The following YWHAH variants were observed in gnomAD, a reference collection of about 807,000 sequenced individuals.
YWHAH encodes 14-3-3 protein eta.
In YWHAH, 6 loss-of-function variants were observed where a neutral mutation model predicts 22.9. The observed-to-expected ratio is 0.26, with a 90% CI of 0.14 to 0.52. The LOEUF (loss-of-function observed/expected upper bound fraction) is 0.52, where lower values mean the gene tolerates loss of function less well. Ranked by LOEUF, YWHAH falls within the 20% of genes least tolerant of loss-of-function variation. The probability of loss-of-function intolerance (pLI) is 0.97; values close to 1 mark genes in which losing one functional copy is unlikely to be tolerated. For missense variants in YWHAH, 173 were observed against 308.6 expected (o/e 0.56, Z 3.29); for synonymous variants, 135 against 124.5 (o/e 1.08, Z -0.56).
At chr22:31,946,411 A>G (rs1464098673) in intron 1 of YWHAH, among the ~76,000 whole-genome samples, 1 of 151,546 alleles carries the variant, frequency 6.6e-6, no homozygotes, top group Non-Finnish European at 1.5e-5. Flanking sequence ...GCCTCTGTCC[A>G]CAGCAGGTCA....
In YWHAH at chr22:31,945,092, C is replaced by T. The variant is rs576838509; in HGVS notation, c.87+272C>T. The T allele has an allele frequency of 4.2e-5, 46 of 1,094,312 alleles. 1 individual carries two copies. In the South Asian group the frequency reaches 1.5e-3, roughly 36 times the overall value. 67.8% of individuals were successfully genotyped at this position (1,094,312 alleles called of 1,614,324 possible). ...GGGGGCGGGCCGGTCGGGGTCGCCA[C>T]ATCTTAGTTCGGAACCCGGCCGGGG... On this transcript the variant is annotated intron_variant, in intron 1 of 1. Transcript: ENST00000248975.
intron 1 of YWHAH, among the ~76,000 whole-genome samples, chr22:31,946,920 T>C (rs1015277305): frequency 6.6e-6 from 1 of 152,224 alleles, no homozygotes; most frequent in African/African-American, 2.4e-5. Flanking sequence ...AAGCTTTAAT[T>C]CTGCCATCTC....
chr22:31,954,068 T>C (rs1247706407), intron 1 of YWHAH, among the ~76,000 whole-genome samples: 4 of 152,212 alleles, frequency 2.6e-5, no homozygotes, highest in African/African-American at 9.7e-5. Flanking sequence ...AAATAAACCA[T>C]CATTGTTCAT....
rs919657575 is a variant in YWHAH, at chr22:31,956,035, G to A, written c.88-104G>A. 8.0e-6 allele frequency: 11 copies of A among 1,373,740 alleles called. No individual in the cohort carries two copies. The Admixed American group carries it at 1.4e-4, about 18-fold the overall frequency. The allele number at this position is 1,373,740 out of a possible 1,614,324, so 85.1% of individuals were successfully genotyped here. A position where few individuals can be genotyped will look rare whatever the true frequency, so the allele number is the denominator to read the frequency against. ...ATTCTCCAGAGTGACTGACCTGTTC[G>A]TAATTCCGTTCTTGAGAAGGATTGT... On this transcript the variant is annotated intron_variant, in intron 1 of 1. Coordinates refer to ENST00000248975, the MANE Select transcript of YWHAH (RefSeq NM_003405.4). The surrounding 1 kb of genome is among the most constrained non-coding windows in gnomAD (Gnocchi z 5.1).
chr22:31,952,097 G>C (rs2093844038), intron 1 of YWHAH, among the ~76,000 whole-genome samples: 1 of 152,198 alleles, frequency 6.6e-6, no homozygotes, highest in African/African-American at 2.4e-5. Context: ...AGCGGAAAGA[G>C]GCTGAAAACT....
At chr22:31,949,127 CAT>C (rs1406879664) in intron 1 of YWHAH, among the ~76,000 whole-genome samples, 3 of 136,320 alleles carry the variant, frequency 2.2e-5, no homozygotes, top group African/African-American at 5.8e-5. Flanking sequence ...GTTTATATAA[CAT>C]ATTTTACTTT....
chr22:31,955,439 CTTTTTTTTTTT>C (rs60830862), intron 1 of YWHAH, among the ~76,000 whole-genome samples: 1 of 126,728 alleles, frequency 7.9e-6, no homozygotes, highest in Non-Finnish European at 1.7e-5. Flanking sequence ...TTCAGAGTAT[CTTTTTTTTTTT>C]TTTTTTTTTC....
intron 1 of YWHAH, among the ~76,000 whole-genome samples, chr22:31,955,874 C>T (rs776210611): frequency 6.6e-6 from 1 of 152,210 alleles, no homozygotes. Flanking sequence ...AACATCTTAT[C>T]AGACCCGAAT....
intron 1 of YWHAH, chr22:31,945,158 C>T: frequency 8.9e-7 from 1 of 1,129,914 alleles, no homozygotes; most frequent in Non-Finnish European, 1.1e-6. Context: ...CCGCATTTCT[C>T]CTAGAGCGTT....
rs1290002565 is a variant in YWHAH, at chr22:31,954,532, G to A, written c.88-1607G>A. The stretch of plus-strand genomic sequence containing the variant: ...GGTGCTGAACCTAGTACGACAAACT[G>A]GATAGTTTAAAATAATAAATGTATT... On this transcript the variant is annotated intron_variant, in intron 1 of 1. Coordinates refer to ENST00000248975, the MANE Select transcript of YWHAH (RefSeq NM_003405.4). Among the ~76,000 whole-genome samples, 3 of 152,114 alleles carry A rather than the reference G, an allele frequency of 2.0e-5. No individual in the cohort carries two copies. The East Asian group carries it at 5.8e-4, about 29-fold the overall frequency.
At chr22:31,953,773 G>A (rs1390902459) in intron 1 of YWHAH, among the ~76,000 whole-genome samples, 3 of 152,172 alleles carry the variant, frequency 2.0e-5, no homozygotes, top group Non-Finnish European at 4.4e-5. Flanking sequence ...CCTGGGGAAT[G>A]GTCAGGATAG....
At chr22:31,945,026 C>A (rs1411166373) in intron 1 of YWHAH, 36 of 1,110,728 alleles carry the variant, frequency 3.2e-5, no homozygotes, top group African/African-American at 5.0e-5. Flanking sequence ...GTGGGGGATC[C>A]GGGAGGGTGC....
chr22:31,953,550 AT>A (rs2149468348), intron 1 of YWHAH, among the ~76,000 whole-genome samples: 1 of 152,334 alleles, frequency 6.6e-6, no homozygotes. Context: ...CAAAGTCTCT[AT>A]TTTCCGTAAG....
intron 1 of YWHAH, chr22:31,947,505 G>A (rs1157970593): frequency 2.1e-6 from 1 of 471,146 alleles, no homozygotes; most frequent in Admixed American, 2.4e-5. Context: ...AAGAAAAATC[G>A]TGCATACTGG....
chr22:31,951,040 A>T (rs1185874906), intron 1 of YWHAH, among the ~76,000 whole-genome samples: 5 of 152,040 alleles, frequency 3.3e-5, no homozygotes, highest in African/African-American at 1.2e-4. Context: ...TTACAGGTGC[A>T]CGCCACCATG....
intron 1 of YWHAH, among the ~76,000 whole-genome samples, chr22:31,950,941 A>G (rs61228184): frequency 0.034 from 5,239 of 152,162 alleles, 281 homozygotes; most frequent in African/African-American, 0.11. Flanking sequence ...CTGTCGCCCA[A>G]GCTGGAGTGC....
chr22:31,956,020 GTGAC>G lies in YWHAH; in HGVS notation c.88-114_88-111del, dbSNP rs2093849181. On this transcript the variant is annotated intron_variant, in intron 1 of 1. Transcript: ENST00000248975. The surrounding 1 kb of genome is among the most constrained non-coding windows in gnomAD (Gnocchi z 5.1). ...CCATGGGTGGTTTTTATTCTCCAGAGTGACTGACCTGTTCGTAATTCCGTTCTTG... is the reference window on the plus strand; with the variant it reads ...CCATGGGTGGTTTTTATTCTCCAGAGTGACCTGTTCGTAATTCCGTTCTTG... The G allele has an allele frequency of 8.3e-7, 1 of 1,200,160 alleles. No individual in the cohort carries two copies. The allele number at this position is 1,200,160 out of a possible 1,614,324, so 74.3% of individuals were successfully genotyped here. A position where few individuals can be genotyped will look rare whatever the true frequency, so the allele number is the denominator to read the frequency against.
Position 31,956,182 on chromosome 22 carries a change from T to A in YWHAH, c.131T>A (p.Leu44His). Residue 44 changes from leucine (L) to histidine (H), a missense_variant, in exon 2 of 2, where the codon CTC (leucine) becomes CAC (histidine). Physicochemically the swap from Leu to His is moderately conservative, Grantham distance 99. Transcript: ENST00000248975. The surrounding 1 kb of genome is among the most constrained non-coding windows in gnomAD (Gnocchi z 5.1). Reference sequence around the variant, plus strand: ...CCTCTCTCCAATGAAGATCGAAATCTCCTCTCTGTGGCCTACAAGAATGTG... The same window carrying A: ...CCTCTCTCCAATGAAGATCGAAATCACCTCTCTGTGGCCTACAAGAATGTG... ...NEPLSNEDRN[L>H]LSVAYKNVVG... 1 of 1,613,774 alleles carries A rather than the reference T, an allele frequency of 6.2e-7. No homozygotes were observed. Among genetic ancestry groups the A allele is most frequent in the Non-Finnish European group, 8.5e-7 (1 of 1,179,912 alleles).
In YWHAH at chr22:31,956,254, A is replaced by G; in HGVS notation, c.203A>G (p.Gln68Arg). Reference protein sequence around the residue: ...SSWRVISSIEQKTMADGNEKK... With the variant: ...SSWRVISSIERKTMADGNEKK... ...TGGAGGGTCATTAGCAGCATTGAGC[A>G]GAAAACCATGGCTGATGGAAACGAA... Residue 68 changes from glutamine to arginine, a missense_variant, in exon 2 of 2, where the codon CAG becomes CGG. Transcript: ENST00000248975. The surrounding 1 kb of genome is among the most constrained non-coding windows in gnomAD (Gnocchi z 5.1). 1.2e-6 allele frequency: 2 copies of G among 1,614,198 alleles called. No homozygotes were observed. Among genetic ancestry groups the G allele is most frequent in the Non-Finnish European group, 1.7e-6 (2 of 1,180,038 alleles).
Sources: gnomAD v4.1 joint callset for allele counts (sites outside exome capture counted in the v4.1 genomes callset) on GRCh38, gnomAD v4.1.1 for gene constraint, Gnocchi (gnomAD v3.1) non-coding constraint, MANE v1.5 for transcripts, NCBI Gene and HGNC (gene_info 2026-07-23, HGNC 2026-07-21) for gene names.